The following TRIM38 variants were observed in gnomAD, a reference collection of about 807,000 sequenced individuals.
TRIM38 encodes E3 ubiquitin-protein ligase TRIM38.
A neutral mutation model predicts 35.8 loss-of-function variants in TRIM38; 35 were observed. The ratio of observed to expected loss-of-function variants is 0.98; its 90% CI spans 0.75 to 1.30. TRIM38 has a LOEUF of 1.30. Ranked by LOEUF, TRIM38 falls within the 50% of genes most tolerant of loss-of-function variation. TRIM38 has a pLI of 0.00. For synonymous variants in TRIM38, 198 were observed against 204.7 expected (o/e 0.97, Z 0.28); for missense variants, 545 against 556.9 (o/e 0.98, Z 0.21).
intron 7 of TRIM38, chr6:25,975,531 A>G (rs1247198342): frequency 1.2e-6 from 1 of 842,960 alleles, no homozygotes; most frequent in East Asian, 1.2e-4. Context: ...AATAAATTTT[A>G]TTTTTATTTT....
intron 2 of TRIM38, among the ~76,000 whole-genome samples, chr6:25,964,878 C>A (rs1759971350): frequency 6.7e-6 from 1 of 150,050 alleles, no homozygotes; most frequent in Admixed American, 6.7e-5. Context: ...GTGGTGTAAT[C>A]TGGGCTCACT....
In TRIM38 at chr6:25,983,280, A is replaced by C; in HGVS notation, c.991A>C (p.Thr331Pro). Residue 331 changes from threonine (T) to proline (P), a missense_variant, in exon 8 of 8, where the codon ACT (threonine) becomes CCT (proline). Transcript: ENST00000357085. ...ENQDTSSRRFTAFPCVLGCEG... is the reference protein window; with the variant it reads ...ENQDTSSRRFPAFPCVLGCEG... The stretch of plus-strand genomic sequence containing the variant: ...TCAGGACACATCTTCCAGGAGATTT[A>C]CTGCCTTCCCCTGTGTCTTGGGTTG... The C allele has an allele frequency of 1.2e-6, 2 of 1,614,160 alleles. No individual in the cohort carries two copies. The highest frequency in any genetic ancestry group is 1.7e-6 in the Non-Finnish European group (2 of 1,180,020).
At position 25,988,496 on chromosome 6, in the gene TRIM38, C is replaced by CTTTTTTTCTTTTTTTTTTTTTTT. The variant is rs1554143886; in HGVS notation, c.*4816_*4817insCTTTTTTTTTTTTTTTTTTTTTT. 1 of 63,054 alleles carries CTTTTTTTCTTTTTTTTTTTTTTT rather than the reference C, an allele frequency of 1.6e-5. No homozygotes were observed. Among genetic ancestry groups the CTTTTTTTCTTTTTTTTTTTTTTT allele is most frequent in the Non-Finnish European group, 2.7e-5 (1 of 37,380 alleles). 3.9% of individuals were successfully genotyped at this position (63,054 alleles called of 1,614,324 possible). On this transcript the variant is annotated 3_prime_UTR_variant, in exon 8 of 8. Coordinates refer to ENST00000357085, the MANE Select transcript of TRIM38 (RefSeq NM_006355.5). ...TTTCTTTTTCTTTTTTCTTTTCTTT[C>CTTTTTTTCTTTTTTTTTTTTTTT]TTTTTTTTTTTTTTTTTGAGACAGA...
At chr6:25,973,136 C>A (rs1474176681) in intron 6 of TRIM38, 37 bp from the exon 7 acceptor site, 1 of 1,613,932 alleles carries the variant, frequency 6.2e-7, no homozygotes, top group Non-Finnish European at 8.5e-7. Flanking sequence ...GAATGGAATG[C>A]ACCTCTGAAG....
chr6:25,979,254 A>G (rs568796678), intron 7 of TRIM38, among the ~76,000 whole-genome samples: 20 of 151,998 alleles, frequency 1.3e-4, no homozygotes, highest in Non-Finnish European at 2.1e-4. Flanking sequence ...ATAATTTTCT[A>G]TTCTTTGTAG....
rs1760640569 is a variant in TRIM38 at position 25,983,847 on chromosome 6, G to T, written c.*160G>T. On this transcript the variant is annotated 3_prime_UTR_variant, in exon 8 of 8. Coordinates refer to ENST00000357085, the MANE Select transcript of TRIM38 (RefSeq NM_006355.5). ...TATAATTGATTTATGTTGAATATAT[G>T]GACTTAGCAACTAAAAATACCACAG... 1.5e-6 allele frequency: 1 copy of T among 660,444 alleles called. No homozygotes were observed. The highest frequency in any genetic ancestry group is 3.5e-5 in the Admixed American group (1 of 28,426). 40.9% of individuals were successfully genotyped at this position (660,444 alleles called of 1,614,324 possible).
Position 25,966,692 on chromosome 6 carries a change from T to C in TRIM38, c.170T>C (p.Phe57Ser). Residue 57 changes from phenylalanine (F) to serine (S), a missense_variant, in exon 3 of 8, where the codon TTC becomes TCC. Physicochemically the swap from Phe to Ser is radical, Grantham distance 155. Coordinates refer to ENST00000357085, the MANE Select transcript of TRIM38 (RefSeq NM_006355.5). ...CAAAAGCAACTGAGGCAGGAGACAT[T>C]CTGCTGTCCCCAGTGTCGGGCTCCA... ...PSQKQLRQETFCCPQCRAPFH... is the reference protein window; with the variant it reads ...PSQKQLRQETSCCPQCRAPFH... 1.2e-6 allele frequency: 2 copies of C among 1,614,164 alleles called. No individual in the cohort carries two copies. The highest frequency in any genetic ancestry group is 1.7e-6 in the Non-Finnish European group (2 of 1,180,026).
At position 25,966,480 on chromosome 6, in the gene TRIM38, T is replaced by A. The variant is rs141330141; in HGVS notation, c.-43T>A. 1.8e-3 allele frequency: 2,793 copies of A among 1,534,886 alleles called. 43 individuals are homozygous for A. The African/African-American group carries it at 0.034, about 19-fold the overall frequency. On this transcript the variant is annotated 5_prime_UTR_variant, in exon 3 of 8. Transcript: ENST00000357085. ...ACGGTGGAAAATTCTGGCTGCTTCA[T>A]CTCCATCTCTAGAGCCAATATTGGA...
Position 25,966,354 on chromosome 6 carries a change from A to G in TRIM38, c.-169A>G. ...TTTTAGGTCCTCTTTTCTTCAATACAAAATGAGATAATAGGGGTTGGAAGG... is the reference window on the plus strand; with the variant it reads ...TTTTAGGTCCTCTTTTCTTCAATACGAAATGAGATAATAGGGGTTGGAAGG... On this transcript the variant is annotated 5_prime_UTR_variant, in exon 3 of 8. Coordinates refer to ENST00000357085, the MANE Select transcript of TRIM38 (RefSeq NM_006355.5). The G allele has an allele frequency of 1.5e-6, 1 of 678,460 alleles. No individual in the cohort carries two copies. The highest frequency in any genetic ancestry group is 2.3e-6 in the Non-Finnish European group (1 of 436,284). The allele number at this position is 678,460 out of a possible 1,614,324, so 42.0% of individuals were successfully genotyped here. A position where few individuals can be genotyped will look rare whatever the true frequency, so the allele number is the denominator to read the frequency against.
At chr6:25,975,064 G>A (rs368950537) in intron 7 of TRIM38, 11 of 921,422 alleles carry the variant, frequency 1.2e-5, no homozygotes, top group East Asian at 1.2e-4. Flanking sequence ...ACAGAGTCTC[G>A]CTCTGTCGCC....
chr6:25,976,198 C>T (rs774586407), intron 7 of TRIM38, among the ~76,000 whole-genome samples: 18 of 152,114 alleles, frequency 1.2e-4, no homozygotes. Context: ...AGAAGGTAGT[C>T]ATAGAAAGAG....
intron 7 of TRIM38, 78 bp downstream of exon 7, chr6:25,973,363 T>C: frequency 6.4e-7 from 1 of 1,556,174 alleles, no homozygotes; most frequent in Non-Finnish European, 8.7e-7. Context: ...ACCTGTCCCT[T>C]GGCAGGCTCA....
At position 25,990,008 on chromosome 6, in the gene TRIM38, C is replaced by CTTTTTTTTTTT. The variant is rs56248041; in HGVS notation, c.*6324_*6334dup. 1.4e-5 allele frequency: 2 copies of CTTTTTTTTTTT among 143,498 alleles called. No individual in the cohort carries two copies. Among genetic ancestry groups the CTTTTTTTTTTT allele is most frequent in the African/African-American group, 2.6e-5 (1 of 39,196 alleles). The allele number at this position is 143,498 out of a possible 1,614,324, so 8.9% of individuals were successfully genotyped here. ...TTTCAATATTGTCTACTTTATCATC[C>CTTTTTTTTTTT]TTTTTTTTTTTTTCTTTCTTCCTTT... On this transcript the variant is annotated 3_prime_UTR_variant, in exon 8 of 8. Transcript: ENST00000357085.
In TRIM38 at chr6:25,983,565, T is replaced by C; in HGVS notation, c.1276T>C (p.Tyr426His). The change falls in exon 8 of 8, where the codon TAT becomes CAT. Residue 426 changes from tyrosine (Y) to histidine (H), a missense_variant. By Grantham distance (83) the Tyr-to-His change is moderately conservative (BLOSUM62 2). Transcript: ENST00000357085. ...LDYEAGVVSF[Y>H]NGNTGCHIFT... Reference sequence around the variant, plus strand: ...CTATGAGGCCGGAGTTGTATCCTTTTATAACGGGAATACTGGCTGCCACAT... The same window carrying C: ...CTATGAGGCCGGAGTTGTATCCTTTCATAACGGGAATACTGGCTGCCACAT... 1 of 1,614,126 alleles carries C rather than the reference T, an allele frequency of 6.2e-7. No individual in the cohort carries two copies. Among genetic ancestry groups the C allele is most frequent in the South Asian group, 1.1e-5 (1 of 91,072 alleles).
chr6:25,983,682 G>T lies in TRIM38; in HGVS notation c.1393G>T (p.Asp465Tyr). The change falls in exon 8 of 8, where the codon GAC becomes TAC. Residue 465 changes from aspartate (D) to tyrosine (Y), a missense_variant. Transcript: ENST00000357085. Reference sequence around the variant, plus strand: ...TCCTTTGTTTCTGCCTCCCCCAGGTGACTAAGGAAAAGAGCAGAAGCTCCT... The same window carrying T: ...TCCTTTGTTTCTGCCTCCCCCAGGTTACTAAGGAAAAGAGCAGAAGCTCCT... ...YSPLFLPPPG[D>Y] The T allele has an allele frequency of 6.3e-7, 1 of 1,576,640 alleles. No individual in the cohort carries two copies. Among genetic ancestry groups the T allele is most frequent in the Non-Finnish European group, 8.6e-7 (1 of 1,164,550 alleles).
Position 25,983,906 on chromosome 6 carries a change from T to C in TRIM38, c.*219T>C, listed in dbSNP as rs6916164. 555 of 495,172 alleles carry C rather than the reference T, an allele frequency of 1.1e-3. 1 individual carries two copies. The highest frequency in any genetic ancestry group is 9.7e-3 in the African/African-American group (499 of 51,316). 30.7% of individuals were successfully genotyped at this position (495,172 alleles called of 1,614,324 possible). A position where few individuals can be genotyped will look rare whatever the true frequency, so the allele number is the denominator to read the frequency against. On this transcript the variant is annotated 3_prime_UTR_variant, in exon 8 of 8. Transcript: ENST00000357085. ...CCTGGACTGGGGCAAAGCAAGATAA[T>C]AGTGATGATCGTATGTTGCTGTCTC...
In TRIM38 at chr6:25,984,209, G is replaced by C. The variant is rs1760651053; in HGVS notation, c.*522G>C. 4 of 152,630 alleles carry C rather than the reference G, an allele frequency of 2.6e-5. No individual in the cohort carries two copies. Among genetic ancestry groups the C allele is most frequent in the Admixed American group, 1.3e-4 (2 of 15,312 alleles). The allele number at this position is 152,630 out of a possible 1,614,324, so 9.5% of individuals were successfully genotyped here. A position where few individuals can be genotyped will look rare whatever the true frequency, so the allele number is the denominator to read the frequency against. Reference sequence around the variant, plus strand: ...ACCAGACTTACTGAGTTCTACCTGAGAAACAGCCAAGCAAAGTGTGAGAGA... The same window carrying C: ...ACCAGACTTACTGAGTTCTACCTGACAAACAGCCAAGCAAAGTGTGAGAGA... On this transcript the variant is annotated 3_prime_UTR_variant, in exon 8 of 8. Coordinates refer to ENST00000357085, the MANE Select transcript of TRIM38 (RefSeq NM_006355.5).
At position 25,989,821 on chromosome 6, in the gene TRIM38, A is replaced by G. The variant is rs1234984642; in HGVS notation, c.*6134A>G. 4 of 152,182 alleles carry G rather than the reference A, an allele frequency of 2.6e-5. No homozygotes were observed. Among genetic ancestry groups the G allele is most frequent in the Non-Finnish European group, 5.9e-5 (4 of 68,024 alleles). The allele number at this position is 152,182 out of a possible 1,614,324, so 9.4% of individuals were successfully genotyped here. ...TTCTTTTTTTAAATAAAAATTTAAG[A>G]CATTTTATAACTGGCCAAATTTACT... On this transcript the variant is annotated 3_prime_UTR_variant, in exon 8 of 8. Transcript: ENST00000357085.
intron 4 of TRIM38, among the ~76,000 whole-genome samples, chr6:25,970,390 GC>G (rs1212631806): frequency 6.6e-6 from 1 of 151,966 alleles, no homozygotes; most frequent in African/African-American, 2.4e-5. Context: ...TAAAGTAAAG[GC>G]AAAAACCACA....
Sources: allele counts gnomAD v4.1 joint callset (sites outside exome capture counted in the v4.1 genomes callset), GRCh38; gene constraint gnomAD v4.1.1; transcripts MANE v1.5; gene names NCBI Gene and HGNC (gene_info 2026-07-23, HGNC 2026-07-21).